The following CEP85L variants were observed in gnomAD, a reference collection of about 807,000 sequenced individuals.
The protein encoded by CEP85L is centrosomal protein of 85 kDa-like.
Under a neutral mutation model 100.3 loss-of-function variants are expected in CEP85L, and 60 were observed. That is an observed-to-expected ratio of 0.60 (90% CI 0.49 to 0.74). CEP85L has a LOEUF of 0.74. CEP85L is among the 30% of genes least tolerant of loss of function. The probability of loss-of-function intolerance (pLI) is 0.00; values close to 1 mark genes in which losing one functional copy is unlikely to be tolerated. For synonymous variants in CEP85L, 319 were observed against 322.7 expected, an observed-to-expected ratio of 0.99 and a Z score of 0.12; for missense variants, 973 against 936.2, an observed-to-expected ratio of 1.04 and a Z score of -0.51.
intron 3 of CEP85L, among the ~76,000 whole-genome samples, 160 bp from the exon 4 acceptor site, chr6:118,524,080 C>T (rs1284366224): frequency 6.6e-6 from 1 of 151,940 alleles, no homozygotes; most frequent in Non-Finnish European, 1.5e-5. Flanking sequence ...ATAACTTGGA[C>T]AATTTCAAGG....
At chr6:118,602,280 A>C (rs1781825892) in intron 2 of CEP85L, among the ~76,000 whole-genome samples, 1 of 152,208 alleles carries the variant, frequency 6.6e-6, no homozygotes, top group Non-Finnish European at 1.5e-5. Flanking sequence ...ATTTATGAAA[A>C]TATTCAGTAA....
upstream of CEP85L, among the ~76,000 whole-genome samples, chr6:118,654,298 G>C (rs4416700): frequency 0.14 from 20,537 of 152,058 alleles, 1,784 homozygotes; most frequent in Non-Finnish European, 0.19. Context: ...TAAATAAAAT[G>C]AGAAGGAAAC....
intron 3 of CEP85L, among the ~76,000 whole-genome samples, chr6:118,564,875 T>C (rs1050764644): frequency 2.0e-5 from 3 of 152,160 alleles, no homozygotes; most frequent in Admixed American, 6.5e-5. Flanking sequence ...ATTAAGAAAT[T>C]TACACATTTA....
chr6:118,611,884 T>A (rs1000878480), intron 2 of CEP85L, among the ~76,000 whole-genome samples: 1 of 141,796 alleles, frequency 7.1e-6, no homozygotes, highest in Admixed American at 6.9e-5. Flanking sequence ...AATACACAAA[T>A]CTATAATTAT....
intron 2 of CEP85L, among the ~76,000 whole-genome samples, chr6:118,619,017 G>A (rs1338520409): frequency 3.3e-5 from 5 of 151,682 alleles, no homozygotes; most frequent in African/African-American, 4.9e-5. Context: ...GCCGGTAAGC[G>A]TGGTTAAATC....
upstream of CEP85L, chr6:118,652,503 T>C (rs1039530030): frequency 6.6e-6 from 9 of 1,361,080 alleles, no homozygotes; most frequent in Admixed American, 2.0e-4. Context: ...GGCTCTGCAG[T>C]AGGCCCATCA....
At chr6:118,496,168 C>G (rs949278365) in intron 5 of CEP85L, among the ~76,000 whole-genome samples, 3 of 152,104 alleles carry the variant, frequency 2.0e-5, no homozygotes, top group African/African-American at 7.2e-5. Context: ...TAGAGAAATG[C>G]TGGCTAGCTG....
chr6:118,538,270 T>C lies in CEP85L; in HGVS notation c.1021-14350A>G, dbSNP rs576864863. Among the ~76,000 whole-genome samples, 188 of 152,142 alleles carry C rather than the reference T, an allele frequency of 1.2e-3. 1 individual carries two copies. Among genetic ancestry groups the C allele is most frequent in the African/African-American group, 4.3e-3 (180 of 41,564 alleles). On this transcript the variant is annotated intron_variant, in intron 3 of 12. Coordinates refer to ENST00000368491, the MANE Select transcript of CEP85L (RefSeq NM_001042475.3). Reference sequence around the variant, plus strand: ...TTTAATAATCTAATTATTTCTTCAATGTGTTTTTGTTACTAACTCTGTAAG... The same window carrying C: ...TTTAATAATCTAATTATTTCTTCAACGTGTTTTTGTTACTAACTCTGTAAG...
At chr6:118,572,657 C>T (rs1484558849) in intron 2 of CEP85L, among the ~76,000 whole-genome samples, 1 of 152,156 alleles carries the variant, frequency 6.6e-6, no homozygotes, top group Non-Finnish European at 1.5e-5. Flanking sequence ...AAACCACACA[C>T]TGCTAGGAGT....
chr6:118,512,636 T>G (rs937394272), intron 4 of CEP85L, among the ~76,000 whole-genome samples: 1 of 152,096 alleles, frequency 6.6e-6, no homozygotes, highest in Non-Finnish European at 1.5e-5. Context: ...TAGTGAATTA[T>G]CTGATCCAAA....
intron 1 of CEP85L, among the ~76,000 whole-genome samples, chr6:118,642,349 C>T (rs985974510): frequency 4.6e-5 from 7 of 152,130 alleles, no homozygotes; most frequent in African/African-American, 1.2e-4. Context: ...AATTGAGAAA[C>T]TGTGCTGCTC....
At chr6:118,507,531 C>A (rs1775727815) in intron 5 of CEP85L, among the ~76,000 whole-genome samples, 1 of 152,136 alleles carries the variant, frequency 6.6e-6, no homozygotes. Flanking sequence ...ATAAACTGGG[C>A]CAGCCCTAAG....
At chr6:118,588,724 A>T (rs1262428490) in intron 2 of CEP85L, among the ~76,000 whole-genome samples, 1 of 152,178 alleles carries the variant, frequency 6.6e-6, no homozygotes, top group Non-Finnish European at 1.5e-5. Context: ...AACTTGTATA[A>T]CTCAGTACTA....
chr6:118,609,971 T>C (rs1022535990), intron 2 of CEP85L, among the ~76,000 whole-genome samples: 36 of 151,576 alleles, frequency 2.4e-4, no homozygotes. Flanking sequence ...GAAACATTTC[T>C]AGGGAAAAAA....
chr6:118,483,471 T>C (rs1049489536), intron 7 of CEP85L, among the ~76,000 whole-genome samples: 2 of 152,078 alleles, frequency 1.3e-5, no homozygotes, highest in Admixed American at 1.3e-4. Context: ...GTTTAGAAAC[T>C]AACTTCTACA....
At chr6:118,543,030 C>T (rs563628143) in intron 3 of CEP85L, among the ~76,000 whole-genome samples, 1 of 151,572 alleles carries the variant, frequency 6.6e-6, no homozygotes, top group South Asian at 2.1e-4. Flanking sequence ...ATAACCAATT[C>T]ACTTTTTGTT....
chr6:118,634,511 T>A (rs1047663244), intron 1 of CEP85L, among the ~76,000 whole-genome samples: 14 of 152,194 alleles, frequency 9.2e-5, no homozygotes, highest in Admixed American at 8.5e-4. Context: ...ACATTTAAAT[T>A]AACAAATCAA....
chr6:118,550,069 T>C (rs183468199), intron 3 of CEP85L, among the ~76,000 whole-genome samples: 39 of 151,954 alleles, frequency 2.6e-4, no homozygotes, highest in Middle Eastern at 3.4e-3. Context: ...TGAAATCAAA[T>C]GGAAAAAATA....
chr6:118,582,177 A>G (rs1219959150), intron 2 of CEP85L, among the ~76,000 whole-genome samples: 1 of 152,142 alleles, frequency 6.6e-6, no homozygotes, highest in African/African-American at 2.4e-5. Context: ...TCTCCAGTAT[A>G]TCCTACTCTC....
Sources: gnomAD v4.1 joint callset for allele counts (sites outside exome capture counted in the v4.1 genomes callset) on GRCh38, gnomAD v4.1.1 for gene constraint, MANE v1.5 for transcripts, NCBI Gene and HGNC (gene_info 2026-07-23, HGNC 2026-07-21) for gene names.